Variants in CTNNA3 observed in about 807,000 individuals in gnomAD.
The protein encoded by CTNNA3 is catenin alpha 3.
In CTNNA3, 76 loss-of-function variants were observed where a neutral mutation model predicts 95.7. The observed-to-expected ratio is 0.79, with a 90% CI of 0.66 to 0.96. The LOEUF is 0.96. CTNNA3 is among the 40% of genes least tolerant of loss of function. The pLI is 0.00. For synonymous variants in CTNNA3, 431 were observed against 374.4 expected, an observed-to-expected ratio of 1.15 and a Z score of -1.74; for missense variants, 1,191 against 1,089.8, an observed-to-expected ratio of 1.09 and a Z score of -1.31.
intron 13 of CTNNA3, among the ~76,000 whole-genome samples, chr10:66,181,581 T>C (rs2086039949): frequency 6.6e-6 from 1 of 152,142 alleles, no homozygotes; most frequent in African/African-American, 2.4e-5. Flanking sequence ...CCTGAAAGCT[T>C]ATATTTGTAA....
chr10:66,643,026 G>T (rs1424747543), intron 9 of CTNNA3, among the ~76,000 whole-genome samples: 3 of 152,118 alleles, frequency 2.0e-5, no homozygotes, highest in African/African-American at 7.2e-5. Context: ...CACATATATA[G>T]ATAGATGATG....
At chr10:66,888,165 G>T (rs1485347753) in intron 7 of CTNNA3, among the ~76,000 whole-genome samples, 1 of 152,122 alleles carries the variant, frequency 6.6e-6, no homozygotes, top group Non-Finnish European at 1.5e-5. Flanking sequence ...ATGGCTTATT[G>T]CTGGTTCTGA....
At chr10:66,239,842 A>G (rs967684496) in intron 13 of CTNNA3, among the ~76,000 whole-genome samples, 6 of 151,972 alleles carry the variant, frequency 3.9e-5, no homozygotes, top group Admixed American at 6.6e-5. Context: ...AAAATCCTAT[A>G]CATTATCTTT....
intron 13 of CTNNA3, among the ~76,000 whole-genome samples, chr10:66,136,115 G>A (rs1316303867): frequency 6.6e-6 from 1 of 152,034 alleles, no homozygotes; most frequent in Non-Finnish European, 1.5e-5. Context: ...TGTTAGCCAG[G>A]ATGGTCTCGA....
chr10:66,245,867 C>T (rs759798368), intron 13 of CTNNA3, among the ~76,000 whole-genome samples: 2 of 152,228 alleles, frequency 1.3e-5, no homozygotes, highest in African/African-American at 4.8e-5. Flanking sequence ...GGTAACTACT[C>T]TCTGCAGCTG....
At chr10:66,062,835 T>A (rs2080229698) in intron 15 of CTNNA3, among the ~76,000 whole-genome samples, 1 of 152,122 alleles carries the variant, frequency 6.6e-6, no homozygotes, top group East Asian at 1.9e-4. Flanking sequence ...ACATGAAATG[T>A]GTCTATTTTC....
At chr10:66,767,875 T>C (rs1239810975) in intron 8 of CTNNA3, among the ~76,000 whole-genome samples, 1 of 152,188 alleles carries the variant, frequency 6.6e-6, no homozygotes, top group Non-Finnish European at 1.5e-5. Context: ...TAAGAAAGGC[T>C]TCAGGAAGAT....
At chr10:66,756,912 T>C (rs1432668341) in intron 9 of CTNNA3, among the ~76,000 whole-genome samples, 1 of 152,200 alleles carries the variant, frequency 6.6e-6, no homozygotes, top group Non-Finnish European at 1.5e-5. Context: ...GCAAAACTAG[T>C]GATTCTTGGC....
At chr10:67,176,736 G>A (rs1862259429) in intron 7 of CTNNA3, among the ~76,000 whole-genome samples, 1 of 152,208 alleles carries the variant, frequency 6.6e-6, no homozygotes, top group Non-Finnish European at 1.5e-5. Context: ...GTCCTAAAAA[G>A]AAGAGAATCT....
intron 12 of CTNNA3, among the ~76,000 whole-genome samples, chr10:66,367,322 T>G (rs996727044): frequency 6.6e-6 from 1 of 152,020 alleles, no homozygotes; most frequent in African/African-American, 2.4e-5. Flanking sequence ...TGGCCAAAAG[T>G]CAGTGTCAGA....
At chr10:66,495,864 G>C (rs546562932) in intron 11 of CTNNA3, among the ~76,000 whole-genome samples, 14 of 152,092 alleles carry the variant, frequency 9.2e-5, no homozygotes, top group African/African-American at 2.7e-4. Context: ...CCATGTGTTG[G>C]CCAGGCTGAT....
intron 7 of CTNNA3, among the ~76,000 whole-genome samples, chr10:67,038,198 A>T (rs1925631): frequency 0.85 from 128,798 of 151,988 alleles, 55,125 homozygotes; most frequent in Middle Eastern, 0.93. Flanking sequence ...CCTCCTGAAT[A>T]TAAAATATAT....
chr10:67,097,744 G>A (rs768125734), intron 7 of CTNNA3: 3 of 1,612,444 alleles, frequency 1.9e-6, no homozygotes, highest in African/African-American at 2.7e-5. Flanking sequence ...CTGGACCTGA[G>A]CACAATCACA....
chr10:65,970,299 AGAGCT>A (rs2078066279), intron 16 of CTNNA3, among the ~76,000 whole-genome samples: 1 of 152,140 alleles, frequency 6.6e-6, no homozygotes, highest in South Asian at 2.1e-4. Flanking sequence ...GGGAAAATAT[AGAGCT>A]GATACCTGCT....
rs532387070 is a variant in CTNNA3 at position 67,158,781 on chromosome 10, T to C, written c.1047+21536A>G. Among the ~76,000 whole-genome samples, 7 of 152,188 alleles carry C rather than the reference T, an allele frequency of 4.6e-5. No homozygotes were observed. The East Asian group carries it at 1.4e-3, about 29-fold the overall frequency. ...ATGATAAAAAGCTTCATCGCTATCT[T>C]AGTTCACCAAAATGCTTCAGCACAA... On this transcript the variant is annotated intron_variant, in intron 7 of 17. Coordinates refer to ENST00000433211, the MANE Select transcript of CTNNA3 (RefSeq NM_013266.4).
chr10:67,249,200 T>C (rs910643298), intron 5 of CTNNA3, among the ~76,000 whole-genome samples: 15 of 152,154 alleles, frequency 9.9e-5, no homozygotes, highest in Admixed American at 3.3e-4. Flanking sequence ...ATATGATGTG[T>C]CATATATCTG....
At chr10:67,402,134 G>A (rs1282483907) in intron 5 of CTNNA3, among the ~76,000 whole-genome samples, 1 of 152,154 alleles carries the variant, frequency 6.6e-6, no homozygotes, top group Non-Finnish European at 1.5e-5. Flanking sequence ...AATATGGATG[G>A]CAAAGAAGCT....
chr10:66,957,033 C>T (rs1589489367), intron 7 of CTNNA3, among the ~76,000 whole-genome samples: 1 of 152,176 alleles, frequency 6.6e-6, no homozygotes, highest in Non-Finnish European at 1.5e-5. Context: ...AGTGGACAAA[C>T]AGCCATAATG....
At chr10:67,739,847 C>T (rs1291877467) in intron 1 of CTNNA3, among the ~76,000 whole-genome samples, 5 of 152,136 alleles carry the variant, frequency 3.3e-5, no homozygotes, top group African/African-American at 1.2e-4. Context: ...GCCGCATCGC[C>T]AAGTCAATCC....
Sources: allele counts gnomAD v4.1 joint callset (sites outside exome capture counted in the v4.1 genomes callset), GRCh38; gene constraint gnomAD v4.1.1; transcripts MANE v1.5; gene names NCBI Gene and HGNC (gene_info 2026-07-23, HGNC 2026-07-21).